BCAS3: variants seen among roughly 807,000 people sequenced by gnomAD.
BCAS3 encodes the protein BCAS4/BCAS3 fusion.
In BCAS3, 53 loss-of-function variants were observed where a neutral mutation model predicts 116.1. The observed-to-expected ratio is 0.46, with a 90% confidence interval of 0.37 to 0.57. The LOEUF (loss-of-function observed/expected upper bound fraction) is 0.57, where lower values mean the gene tolerates loss of function less well. BCAS3 is among the 20% of genes least tolerant of loss of function. BCAS3 has a pLI of 0.00. For missense variants in BCAS3, 917 were observed against 1,165.4 expected (o/e 0.79, Z 3.10); for synonymous variants, 391 against 408.2 (o/e 0.96, Z 0.51).
chr17:60,710,635 G>A (rs1198511904), intron 5 of BCAS3, among the ~76,000 whole-genome samples: 2 of 151,816 alleles, frequency 1.3e-5, no homozygotes, highest in East Asian at 3.9e-4. Context: ...GTTTCACCAC[G>A]TTAGCCAGGA....
chr17:61,322,858 G>GAGAGAGAGAGAGAGAC (rs2055409712), intron 22 of BCAS3, among the ~76,000 whole-genome samples: 13 of 134,196 alleles, frequency 9.7e-5, no homozygotes, highest in African/African-American at 3.5e-4. Flanking sequence ...GAGAGAGACA[G>GAGAGAGAGAGAGAGAC]AGAGAGAGAG....
chr17:61,076,156 A>G (rs2071964891), intron 20 of BCAS3, among the ~76,000 whole-genome samples: 1 of 152,158 alleles, frequency 6.6e-6, no homozygotes, highest in South Asian at 2.1e-4. Flanking sequence ...TGTCAAAATG[A>G]TGGGATTACA....
At chr17:60,809,381 T>A (rs917082164) in intron 7 of BCAS3, among the ~76,000 whole-genome samples, 22 of 151,894 alleles carry the variant, frequency 1.4e-4, no homozygotes, top group African/African-American at 5.3e-4. Flanking sequence ...CATATAATAA[T>A]CTGAAAAGTG....
At chr17:60,738,168 GT>G (rs1470656623) in intron 5 of BCAS3, among the ~76,000 whole-genome samples, 2 of 152,244 alleles carry the variant, frequency 1.3e-5, no homozygotes, top group African/African-American at 4.8e-5. Context: ...CCTGAAGAAT[GT>G]TTATTGTGCT....
In BCAS3 at chr17:60,822,165, C is replaced by T. The variant is rs535710791; in HGVS notation, c.476+14089C>T. 8.5e-5 allele frequency among the ~76,000 whole-genome samples: 13 copies of T among 152,280 alleles called. No homozygotes were observed. The South Asian group carries it at 2.7e-3, about 32-fold the overall frequency. On this transcript the variant is annotated intron_variant, in intron 7 of 23. Transcript: ENST00000407086. Reference sequence around the variant, plus strand: ...GGTTAGATCACATGTTAGATGCATGCTTTTCAAAGTGGTTGTACAATTTTA... The same window carrying T: ...GGTTAGATCACATGTTAGATGCATGTTTTTCAAAGTGGTTGTACAATTTTA...
chr17:60,881,605 C>T (rs1190483047), intron 9 of BCAS3, among the ~76,000 whole-genome samples: 1 of 127,588 alleles, frequency 7.8e-6, no homozygotes. Flanking sequence ...CCCACCCCAC[C>T]ACAGTCCCCA....
intron 21 of BCAS3, among the ~76,000 whole-genome samples, chr17:61,080,442 T>G (rs2072479272): frequency 6.6e-6 from 1 of 152,056 alleles, no homozygotes; most frequent in Non-Finnish European, 1.5e-5. Flanking sequence ...CTGACTGATG[T>G]ATCTTCTTAA....
intron 22 of BCAS3, among the ~76,000 whole-genome samples, chr17:61,182,508 C>T (rs2144179335): frequency 6.6e-6 from 1 of 152,170 alleles, no homozygotes; most frequent in Non-Finnish European, 1.5e-5. Context: ...ATTTTAACAG[C>T]CTTATTTAGG....
chr17:61,162,955 G>A lies in BCAS3; in HGVS notation c.2425+78391G>A, dbSNP rs549936532. Among the ~76,000 whole-genome samples the A allele has an allele frequency of 6.6e-4, 101 of 152,170 alleles. 1 individual carries two copies. The highest frequency in any genetic ancestry group is 3.1e-3 in the Admixed American group (48 of 15,296). Reference sequence around the variant, plus strand: ...TTTTATAGGTAATCCTGGAAGTTTAGTCTTACTTTGGGAAAAGATCAAGGC... The same window carrying A: ...TTTTATAGGTAATCCTGGAAGTTTAATCTTACTTTGGGAAAAGATCAAGGC... On this transcript the variant is annotated intron_variant, in intron 22 of 23. Coordinates refer to ENST00000407086, the MANE Select transcript of BCAS3 (RefSeq NM_017679.5). This position sits in a 1 kb window ranked among gnomAD's most constrained non-coding sequence, Gnocchi z 5.6.
At chr17:60,818,896 C>T (rs2049682043) in intron 7 of BCAS3, among the ~76,000 whole-genome samples, 1 of 151,982 alleles carries the variant, frequency 6.6e-6, no homozygotes, top group African/African-American at 2.4e-5. Flanking sequence ...GGTTAGCATA[C>T]CAGGTGATCC....
At chr17:60,773,391 G>A (rs1023479258) in intron 6 of BCAS3, among the ~76,000 whole-genome samples, 1 of 147,914 alleles carries the variant, frequency 6.8e-6, no homozygotes, top group African/African-American at 2.5e-5. Flanking sequence ...TCCCAGGCTC[G>A]GGCAGTCCTC....
intron 4 of BCAS3, among the ~76,000 whole-genome samples, chr17:60,708,324 CAAA>C (rs1211925653): frequency 0.047 from 3,552 of 75,680 alleles, 148 homozygotes; most frequent in African/African-American, 0.11. Context: ...GATTCTGTCT[CAAA>C]AAAAAAAAAA....
At position 61,356,300 on chromosome 17, in the gene BCAS3, CAT is replaced by C. The variant is rs1472103319; in HGVS notation, c.2426-12026_2426-12025del. 6.6e-6 allele frequency among the ~76,000 whole-genome samples: 1 copy of C among 151,938 alleles called. No individual in the cohort carries two copies. The highest frequency in any genetic ancestry group is 1.5e-5 in the Non-Finnish European group (1 of 67,952). On this transcript the variant is annotated intron_variant, in intron 22 of 23. Coordinates refer to ENST00000407086, the MANE Select transcript of BCAS3 (RefSeq NM_017679.5). This position sits in a 1 kb window ranked among gnomAD's most constrained non-coding sequence, Gnocchi z 5.4. ...TGAGCCACCGCACCTGGCCAGGAAA[CAT>C]TGTCATTGCAGCCCAGCTACAAAAT...
chr17:61,117,404 G>T (rs1336198300), intron 22 of BCAS3, among the ~76,000 whole-genome samples: 1 of 152,128 alleles, frequency 6.6e-6, no homozygotes, highest in African/African-American at 2.4e-5. Flanking sequence ...ACCAGCTGGG[G>T]CAACAAAGCA....
chr17:61,244,677 C>T lies in BCAS3; in HGVS notation c.2426-123650C>T, dbSNP rs772077720. Among the ~76,000 whole-genome samples, 1 of 152,104 alleles carries T rather than the reference C, an allele frequency of 6.6e-6. No homozygotes were observed. The highest frequency in any genetic ancestry group is 6.5e-5 in the Admixed American group (1 of 15,280). On this transcript the variant is annotated intron_variant, in intron 22 of 23. Coordinates refer to ENST00000407086, the MANE Select transcript of BCAS3 (RefSeq NM_017679.5). This position sits in a 1 kb window ranked among gnomAD's most constrained non-coding sequence, Gnocchi z 4.9. ...AGGAGATCGAGACCATCCTGGCTAA[C>T]ACGGTGAAACTTCATCTCTACTAAA...
intron 22 of BCAS3, among the ~76,000 whole-genome samples, chr17:61,150,766 C>T (rs892045145): frequency 6.6e-6 from 1 of 152,190 alleles, no homozygotes; most frequent in African/African-American, 2.4e-5. Flanking sequence ...CCCCAGACTG[C>T]TTTTGGAACT....
chr17:60,762,788 T>G (rs1014510074), intron 6 of BCAS3, among the ~76,000 whole-genome samples: 5 of 152,230 alleles, frequency 3.3e-5, no homozygotes, highest in Admixed American at 6.5e-5. Flanking sequence ...ATTACCTTGG[T>G]CGGTATGGCC....
intron 6 of BCAS3, among the ~76,000 whole-genome samples, chr17:60,760,734 T>TG (rs1386135695): frequency 2.0e-5 from 3 of 152,140 alleles, no homozygotes; most frequent in African/African-American, 7.2e-5. Context: ...CTCTTATTTG[T>TG]GAAAGTCTAG....
At position 60,710,388 on chromosome 17, in the gene BCAS3, G is replaced by C. The variant is rs543989358; in HGVS notation, c.321+1063G>C. On this transcript the variant is annotated intron_variant, in intron 5 of 23. Coordinates refer to ENST00000407086, the MANE Select transcript of BCAS3 (RefSeq NM_017679.5). ...ACAGAATTTGACCTCAGTAGTCTAA[G>C]AATTACTAAGGAACAAGCACATTCA... Among the ~76,000 whole-genome samples the C allele has an allele frequency of 7.9e-5, 12 of 151,694 alleles. No individual in the cohort carries two copies. The East Asian group carries it at 2.1e-3, about 27-fold the overall frequency.
Sources: gnomAD v4.1 joint callset for allele counts (sites outside exome capture counted in the v4.1 genomes callset) on GRCh38, gnomAD v4.1.1 for gene constraint, Gnocchi (gnomAD v3.1) non-coding constraint, MANE v1.5 for transcripts, NCBI Gene and HGNC (gene_info 2026-07-23, HGNC 2026-07-21) for gene names.